Variants in MACROD1 observed in about 807,000 individuals in gnomAD.
The protein encoded by MACROD1 is ADP-ribose glycohydrolase MACROD1.
Under a neutral mutation model 41.4 loss-of-function variants are expected in MACROD1, and 31 were observed. That is an observed-to-expected ratio of 0.75 (90% confidence interval 0.56 to 1.01). The LOEUF (loss-of-function observed/expected upper bound fraction) is 1.01. Ranked by LOEUF, MACROD1 falls within the 50% of genes least tolerant of loss-of-function variation. The probability of loss-of-function intolerance (pLI) is 0.00; values close to 1 mark genes in which losing one functional copy is unlikely to be tolerated. For synonymous variants in MACROD1, 252 were observed against 203.4 expected (o/e 1.24, Z -2.03); for missense variants, 473 against 460.0 (o/e 1.03, Z -0.26).
chr11:64,014,118 C>T (rs987933462), intron 4 of MACROD1, among the ~76,000 whole-genome samples: 3 of 152,170 alleles, frequency 2.0e-5, no homozygotes, highest in African/African-American at 7.2e-5. Flanking sequence ...GGGCCCGGCA[C>T]ACAGGGGTGA....
At chr11:64,041,516 T>C (rs1488608291) in intron 3 of MACROD1, among the ~76,000 whole-genome samples, 1 of 149,302 alleles carries the variant, frequency 6.7e-6, no homozygotes, top group African/African-American at 2.5e-5. Flanking sequence ...GGAGGGTGTG[T>C]TGGGGGACAC....
At chr11:64,031,350 C>A (rs561860609) in intron 3 of MACROD1, among the ~76,000 whole-genome samples, 1 of 152,302 alleles carries the variant, frequency 6.6e-6, no homozygotes, top group East Asian at 1.9e-4. Flanking sequence ...TGGTCCTAGA[C>A]CTTGTGCTTA....
At chr11:64,029,691 G>C (rs540818100) in intron 3 of MACROD1, among the ~76,000 whole-genome samples, 4 of 151,696 alleles carry the variant, frequency 2.6e-5, no homozygotes, top group African/African-American at 9.7e-5. Flanking sequence ...TGAGCTGCTC[G>C]TCACACAGCC....
chr11:64,085,890 G>A (rs1197635560), intron 3 of MACROD1, among the ~76,000 whole-genome samples: 2 of 152,170 alleles, frequency 1.3e-5, no homozygotes, highest in Non-Finnish European at 2.9e-5. Flanking sequence ...GAGGAAAGGG[G>A]GCCCTTCTCA....
chr11:64,016,092 G>C (rs1380040038), intron 3 of MACROD1, among the ~76,000 whole-genome samples: 1 of 152,222 alleles, frequency 6.6e-6, no homozygotes, highest in Non-Finnish European at 1.5e-5. Flanking sequence ...CTGCCAGGCA[G>C]AGCTGGACTG....
At chr11:64,072,917 T>G (rs1944135169) in intron 3 of MACROD1, among the ~76,000 whole-genome samples, 1 of 152,044 alleles carries the variant, frequency 6.6e-6, no homozygotes, top group Admixed American at 6.6e-5. Flanking sequence ...AAGAGTCAGG[T>G]TCTCAAGGTG....
intron 4 of MACROD1, among the ~76,000 whole-genome samples, chr11:64,013,583 C>T (rs1943043359): frequency 6.6e-6 from 1 of 152,096 alleles, no homozygotes; most frequent in African/African-American, 2.4e-5. Flanking sequence ...TTGGCCTAGG[C>T]CCTGAGTGAG....
chr11:64,045,657 G>C (rs1943571097), intron 3 of MACROD1, among the ~76,000 whole-genome samples: 1 of 152,174 alleles, frequency 6.6e-6, no homozygotes, highest in South Asian at 2.1e-4. Context: ...GACTGCTCCT[G>C]GGGTCTCAAA....
Position 64,029,164 on chromosome 11 carries a change from G to T in MACROD1, c.518-13883C>A, listed in dbSNP as rs113236765. The stretch of plus-strand genomic sequence containing the variant: ...CTGCTTGAGTTCCCAGTGAGGTGGG[G>T]AGTGGCCACCTGCTGGGGTTGGTTG... On this transcript the variant is annotated intron_variant, in intron 3 of 10. Transcript: ENST00000255681. Among the ~76,000 whole-genome samples the T allele has an allele frequency of 6.4e-3, 975 of 152,368 alleles. 12 individuals are homozygous for T. The highest frequency in any genetic ancestry group is 0.022 in the African/African-American group (906 of 41,592).
At chr11:64,123,728 C>T (rs568368951) in intron 3 of MACROD1, among the ~76,000 whole-genome samples, 2 of 152,260 alleles carry the variant, frequency 1.3e-5, no homozygotes, top group Non-Finnish European at 2.9e-5. Flanking sequence ...ACTCTAGAGC[C>T]GTGGGCTTTT....
chr11:64,116,510 T>C, intron 3 of MACROD1: 1 of 1,614,002 alleles, frequency 6.2e-7, no homozygotes, highest in Middle Eastern at 1.6e-4. Flanking sequence ...ATATCCCTGA[T>C]GATGCCACCA....
intron 3 of MACROD1, among the ~76,000 whole-genome samples, chr11:64,089,820 C>T (rs1407810220): frequency 6.6e-6 from 1 of 152,140 alleles, no homozygotes; most frequent in Non-Finnish European, 1.5e-5. Context: ...TGTGCCCACT[C>T]ATAGGTGTCC....
At chr11:64,164,076 T>A (rs1463499399) in intron 1 of MACROD1, among the ~76,000 whole-genome samples, 1 of 152,222 alleles carries the variant, frequency 6.6e-6, no homozygotes, top group Non-Finnish European at 1.5e-5. Flanking sequence ...CCGGGCCTTG[T>A]CTCAGCTGCT....
At chr11:64,129,455 G>C (rs1031915389) in intron 3 of MACROD1, among the ~76,000 whole-genome samples, 1 of 152,198 alleles carries the variant, frequency 6.6e-6, no homozygotes, top group Non-Finnish European at 1.5e-5. Flanking sequence ...TCTGTGAGAG[G>C]GCGTGGGAGG....
chr11:64,129,683 G>A (rs1945237541), intron 3 of MACROD1, among the ~76,000 whole-genome samples: 3 of 152,170 alleles, frequency 2.0e-5, no homozygotes, highest in Admixed American at 6.5e-5. Flanking sequence ...GTACAGGGTG[G>A]GGCCTGTTCC....
rs963727447 is a variant in MACROD1 at position 64,146,762 on chromosome 11, C to T, written c.517+4477G>A. Among the ~76,000 whole-genome samples, 2 of 151,694 alleles carry T rather than the reference C, an allele frequency of 1.3e-5. No homozygotes were observed. Among genetic ancestry groups the T allele is most frequent in the African/African-American group, 4.8e-5 (2 of 41,264 alleles). On this transcript the variant is annotated intron_variant, in intron 3 of 10. Transcript: ENST00000255681. The surrounding 1 kb of genome is among the most constrained non-coding windows in gnomAD (Gnocchi z 4.7). ...AGCACAGACACACACACATCACGCA[C>T]ACACACGCATCACACACATCATACA... is the stretch of plus-strand genomic sequence containing the variant.
chr11:64,130,105 G>A (rs1027632178), intron 3 of MACROD1, among the ~76,000 whole-genome samples: 14 of 151,606 alleles, frequency 9.2e-5, no homozygotes, highest in Non-Finnish European at 1.6e-4. Flanking sequence ...CACCACTGCT[G>A]CAGCCCCCCA....
chr11:64,155,243 G>T (rs1040665534), intron 1 of MACROD1, among the ~76,000 whole-genome samples: 3 of 152,226 alleles, frequency 2.0e-5, no homozygotes, highest in African/African-American at 7.2e-5. Context: ...GTAAGAGGGA[G>T]CCAGAGATGA....
At chr11:64,041,950 G>C (rs1450696730) in intron 3 of MACROD1, among the ~76,000 whole-genome samples, 2 of 152,218 alleles carry the variant, frequency 1.3e-5, no homozygotes, top group Non-Finnish European at 2.9e-5. Context: ...CCTAGCCTGG[G>C]CTGGGCTGCC....
Sources: gnomAD v4.1 joint callset for allele counts (sites outside exome capture counted in the v4.1 genomes callset) on GRCh38, gnomAD v4.1.1 for gene constraint, Gnocchi (gnomAD v3.1) non-coding constraint, MANE v1.5 for transcripts, NCBI Gene and HGNC (gene_info 2026-07-23, HGNC 2026-07-21) for gene names.